The following IGF2BP3 variants were observed in gnomAD, a reference collection of about 807,000 sequenced individuals.
The protein encoded by IGF2BP3 is insulin-like growth factor 2 mRNA-binding protein 3.
A neutral mutation model predicts 73.8 loss-of-function variants in IGF2BP3; 9 were observed. The ratio of observed to expected loss-of-function variants is 0.12; its 90% CI spans 0.07 to 0.21. IGF2BP3 has a LOEUF of 0.21. IGF2BP3 is among the 10% of genes least tolerant of loss of function. The pLI is 1.00. For synonymous variants in IGF2BP3, 258 were observed against 256.7 expected, an observed-to-expected ratio of 1.01 and a Z score of -0.05; for missense variants, 542 against 714.0, an observed-to-expected ratio of 0.76 and a Z score of 2.75.
At chr7:23,327,485 G>A (rs1011826548) in intron 10 of IGF2BP3, among the ~76,000 whole-genome samples, 1 of 151,968 alleles carries the variant, frequency 6.6e-6, no homozygotes, top group Admixed American at 6.6e-5. Flanking sequence ...GTTTCACCGT[G>A]TTAGCCAGGA....
Position 23,420,624 on chromosome 7 carries a change from G to C in IGF2BP3, c.237-1800C>G, listed in dbSNP as rs552103029. 6.6e-5 allele frequency among the ~76,000 whole-genome samples: 10 copies of C among 152,278 alleles called. No homozygotes were observed. The East Asian group carries it at 9.7e-4, about 15-fold the overall frequency. ...TAGTCTAGATTCATAACCTAGTTTA[G>C]TCCTTTGCCTCTTCCCTTTCCCCAA... On this transcript the variant is annotated intron_variant, in intron 2 of 14. Coordinates refer to ENST00000258729, the MANE Select transcript of IGF2BP3 (RefSeq NM_006547.3).
intron 2 of IGF2BP3, among the ~76,000 whole-genome samples, chr7:23,456,043 G>A (rs1584064574): frequency 6.6e-6 from 1 of 152,030 alleles, no homozygotes; most frequent in East Asian, 1.9e-4. Context: ...ATGAGCACAG[G>A]CACTTAATCT....
chr7:23,368,343 A>G (rs6944041), intron 3 of IGF2BP3, among the ~76,000 whole-genome samples: 2,099 of 137,952 alleles, frequency 0.015, 53 homozygotes, highest in African/African-American at 0.055. Context: ...AAGAAAGAAA[A>G]AAAGAAAGAA....
chr7:23,374,966 A>C lies in IGF2BP3; in HGVS notation c.286-13225T>G, dbSNP rs540513198. Among the ~76,000 whole-genome samples the C allele has an allele frequency of 9.9e-5, 15 of 152,178 alleles. No homozygotes were observed. The South Asian group carries it at 2.9e-3, about 29-fold the overall frequency. ...CCGGTCCCCCCGTTCAGGGTCCCTG[A>C]CTTCCCGCAACAATTTTATATTATG... On this transcript the variant is annotated intron_variant, in intron 3 of 14. Coordinates refer to ENST00000258729, the MANE Select transcript of IGF2BP3 (RefSeq NM_006547.3).
chr7:23,312,103 T>G lies in IGF2BP3; in HGVS notation c.*259A>C, dbSNP rs1357930190. 4 of 468,366 alleles carry G rather than the reference T, an allele frequency of 8.5e-6. No individual in the cohort carries two copies. The Admixed American group carries it at 1.5e-4, about 18-fold the overall frequency. The allele number at this position is 468,366 out of a possible 1,614,324, so 29.0% of individuals were successfully genotyped here. On this transcript the variant is annotated 3_prime_UTR_variant, in exon 15 of 15. Coordinates refer to ENST00000258729, the MANE Select transcript of IGF2BP3 (RefSeq NM_006547.3). ...TACAACAAAGGGAAGTGCAGAGCTC[T>G]TCTCTTTCCCTCCCTCCCCCACCCT...
intron 2 of IGF2BP3, among the ~76,000 whole-genome samples, chr7:23,442,591 T>G (rs1376408301): frequency 1.3e-5 from 2 of 151,992 alleles, no homozygotes; most frequent in African/African-American, 4.8e-5. Context: ...AGAGACAGGG[T>G]TTCGCCATGT....
chr7:23,355,225 A>T lies in IGF2BP3; in HGVS notation c.402-3639T>A, dbSNP rs987516732. 6.6e-3 allele frequency among the ~76,000 whole-genome samples: 792 copies of T among 119,324 alleles called. 10 individuals are homozygous for T. The highest frequency in any genetic ancestry group is 0.032 in the African/African-American group (709 of 22,386). The allele number at this position is 119,324 out of a possible 152,430, so 78.3% of individuals were successfully genotyped here. A position where few individuals can be genotyped will look rare whatever the true frequency, so the allele number is the denominator to read the frequency against. ...AGCCTGGTTTTGTCTTTTTATTTTT[A>T]TTTTTTTTTTTTTTGAGACAGAGTC... On this transcript the variant is annotated intron_variant, in intron 5 of 14. Transcript: ENST00000258729.
At chr7:23,314,485 A>C (rs767691430) in intron 12 of IGF2BP3, among the ~76,000 whole-genome samples, 2 of 151,438 alleles carry the variant, frequency 1.3e-5, no homozygotes, top group Non-Finnish European at 2.9e-5. Flanking sequence ...CTGCGCCACT[A>C]ATTTTTATAG....
chr7:23,400,985 A>G (rs1421701669), intron 3 of IGF2BP3, among the ~76,000 whole-genome samples: 3 of 152,090 alleles, frequency 2.0e-5, no homozygotes, highest in Admixed American at 6.6e-5. Flanking sequence ...TTTTTAGTAG[A>G]GACGGGGGTT....
intron 3 of IGF2BP3, among the ~76,000 whole-genome samples, chr7:23,375,846 T>G (rs1470836209): frequency 6.6e-6 from 1 of 152,194 alleles, no homozygotes; most frequent in South Asian, 2.1e-4. Context: ...ATGATAGGAA[T>G]GTTTCCTACA....
chr7:23,419,556 T>G (rs575463097), intron 2 of IGF2BP3, among the ~76,000 whole-genome samples: 3 of 152,304 alleles, frequency 2.0e-5, no homozygotes, highest in African/African-American at 7.2e-5. Flanking sequence ...TTTATGCATT[T>G]TAAAACATCC....
chr7:23,358,201 G>A (rs1469743604), intron 5 of IGF2BP3, among the ~76,000 whole-genome samples: 2 of 152,184 alleles, frequency 1.3e-5, no homozygotes, highest in African/African-American at 4.8e-5. Context: ...CTAGAAAAGT[G>A]GTGGCACACA....
At chr7:23,430,841 C>A (rs1787655851) in intron 2 of IGF2BP3, among the ~76,000 whole-genome samples, 1 of 152,112 alleles carries the variant, frequency 6.6e-6, no homozygotes, top group South Asian at 2.1e-4. Context: ...TTGTAACACG[C>A]TCAAAGGCTT....
chr7:23,375,443 C>A (rs905877779), intron 3 of IGF2BP3, among the ~76,000 whole-genome samples: 3 of 152,142 alleles, frequency 2.0e-5, no homozygotes, highest in Non-Finnish European at 4.4e-5. Flanking sequence ...CACTGACTGC[C>A]CAGGCCCCCT....
chr7:23,430,840 G>A (rs941307501), intron 2 of IGF2BP3, among the ~76,000 whole-genome samples: 3 of 152,100 alleles, frequency 2.0e-5, no homozygotes, highest in African/African-American at 7.2e-5. Context: ...GTTGTAACAC[G>A]CTCAAAGGCT....
At chr7:23,392,993 C>T (rs1261838210) in intron 3 of IGF2BP3, among the ~76,000 whole-genome samples, 2 of 152,168 alleles carry the variant, frequency 1.3e-5, no homozygotes, top group African/African-American at 2.4e-5. Context: ...AAGGTGGCCA[C>T]TCATCAATTT....
intron 2 of IGF2BP3, among the ~76,000 whole-genome samples, chr7:23,459,865 C>G (rs1788404618): frequency 2.0e-5 from 3 of 151,754 alleles, no homozygotes; most frequent in Non-Finnish European, 1.5e-5. Flanking sequence ...GGTCTACACT[C>G]TTTTGGAACC....
intron 13 of IGF2BP3, 114 bp downstream of exon 13, chr7:23,313,408 T>C: frequency 8.3e-7 from 1 of 1,197,626 alleles, no homozygotes; most frequent in South Asian, 1.5e-5. Flanking sequence ...CAAACCTTGG[T>C]CAAGATGGTC....
At chr7:23,447,011 T>C (rs971034855) in intron 2 of IGF2BP3, among the ~76,000 whole-genome samples, 1 of 152,008 alleles carries the variant, frequency 6.6e-6, no homozygotes, top group African/African-American at 2.4e-5. Context: ...AAGCCCAGCC[T>C]GCCCAACATG....
Sources: gnomAD v4.1 joint callset for allele counts (sites outside exome capture counted in the v4.1 genomes callset) on GRCh38, gnomAD v4.1.1 for gene constraint, MANE v1.5 for transcripts, NCBI Gene and HGNC (gene_info 2026-07-23, HGNC 2026-07-21) for gene names.